Variants in RAB6A observed in about 807,000 individuals in gnomAD.
The protein encoded by RAB6A is RAB6A, member RAS oncogene family.
Under a neutral mutation model 32.3 loss-of-function variants are expected in RAB6A, and 8 were observed. The ratio of observed to expected loss-of-function variants is 0.25; its 90% CI spans 0.15 to 0.45. RAB6A has a LOEUF of 0.45. Among genes scored for constraint, RAB6A ranks in the 20% least tolerant of loss-of-function variants. RAB6A has a pLI of 1.00. For synonymous variants in RAB6A, 73 were observed against 82.1 expected, an observed-to-expected ratio of 0.89 and a Z score of 0.60; for missense variants, 104 against 249.4, an observed-to-expected ratio of 0.42 and a Z score of 3.93.
chr11:73,742,856 T>C (rs985381672), intron 1 of RAB6A, among the ~76,000 whole-genome samples: 1 of 151,606 alleles, frequency 6.6e-6, no homozygotes, highest in Non-Finnish European at 1.5e-5. Flanking sequence ...TGGCTATTTC[T>C]CACTTCATTC....
intron 1 of RAB6A, among the ~76,000 whole-genome samples, chr11:73,747,252 C>A (rs1049750544): frequency 6.6e-6 from 1 of 151,308 alleles, no homozygotes; most frequent in African/African-American, 2.4e-5. Context: ...GTCGCCCAGG[C>A]TGGAGTGCAG....
At chr11:73,753,387 G>A (rs1946696960) in intron 1 of RAB6A, among the ~76,000 whole-genome samples, 1 of 151,962 alleles carries the variant, frequency 6.6e-6, no homozygotes, top group Non-Finnish European at 1.5e-5. Context: ...AGTAGAGACA[G>A]GGTTTCACCA....
At chr11:73,707,333 G>T in intron 6 of RAB6A, 87 bp downstream of exon 6, 1 of 908,738 alleles carries the variant, frequency 1.1e-6, no homozygotes, top group Non-Finnish European at 1.7e-6. Context: ...GCTCTTGCCA[G>T]GTGGAAGGAA....
chr11:73,709,822 C>CATAT (rs71065026), intron 5 of RAB6A, among the ~76,000 whole-genome samples: 47 of 144,734 alleles, frequency 3.2e-4, no homozygotes, highest in Middle Eastern at 3.6e-3. Flanking sequence ...TGAATTCATG[C>CATAT]ATATATATAC....
Position 73,676,428 on chromosome 11 carries a change from G to C in RAB6A, c.*1470C>G, listed in dbSNP as rs1298592517. 1 of 166,490 alleles carries C rather than the reference G, an allele frequency of 6.0e-6. No homozygotes were observed. Among genetic ancestry groups the C allele is most frequent in the African/African-American group, 2.4e-5 (1 of 41,240 alleles). The allele number at this position is 166,490 out of a possible 1,614,324, so 10.3% of individuals were successfully genotyped here. ...CAGTGTTTTAAGGGAAATACATATT[G>C]CCATGGTGAAGCTCTAAATAGATTC... is the stretch of plus-strand genomic sequence containing the variant. On this transcript the variant is annotated 3_prime_UTR_variant, in exon 8 of 8. Coordinates refer to ENST00000336083, the MANE Select transcript of RAB6A (RefSeq NM_198896.2).
intron 6 of RAB6A, among the ~76,000 whole-genome samples, chr11:73,698,616 T>C (rs887609912): frequency 1.3e-5 from 2 of 152,160 alleles, no homozygotes; most frequent in African/African-American, 2.4e-5. Context: ...GATTGTTACA[T>C]AGATTCCTTC....
At chr11:73,721,833 A>C (rs988528669) in intron 2 of RAB6A, among the ~76,000 whole-genome samples, 5 of 152,218 alleles carry the variant, frequency 3.3e-5, no homozygotes, top group African/African-American at 1.2e-4. Context: ...TGAGTCACTA[A>C]GAATTTTAAG....
chr11:73,741,589 A>C lies in RAB6A; in HGVS notation c.71-10766T>G, dbSNP rs112544758. Among the ~76,000 whole-genome samples the C allele has an allele frequency of 3.8e-3, 573 of 152,316 alleles. 4 individuals carry two copies. The highest frequency in any genetic ancestry group is 0.013 in the African/African-American group (545 of 41,564). ...CTGCTTTTTATTAGTAACTGGCAAAACTTGAAAGCAACCAAAATGTCCTTC... is the reference window on the plus strand; with the variant it reads ...CTGCTTTTTATTAGTAACTGGCAAACCTTGAAAGCAACCAAAATGTCCTTC... On this transcript the variant is annotated intron_variant, in intron 1 of 7. Coordinates refer to ENST00000336083, the MANE Select transcript of RAB6A (RefSeq NM_198896.2).
At chr11:73,719,462 G>A (rs931571106) in intron 3 of RAB6A, among the ~76,000 whole-genome samples, 5 of 151,440 alleles carry the variant, frequency 3.3e-5, no homozygotes, top group African/African-American at 1.2e-4. Context: ...ATGCACGCGT[G>A]TGTGTGTATA....
intron 1 of RAB6A, among the ~76,000 whole-genome samples, chr11:73,744,939 C>T (rs1392252143): frequency 6.6e-6 from 1 of 150,498 alleles, no homozygotes; most frequent in Admixed American, 6.6e-5. Context: ...CGCGCCACTG[C>T]ACTCCAGCCT....
intron 5 of RAB6A, among the ~76,000 whole-genome samples, chr11:73,708,721 T>C (rs1476181367): frequency 1.3e-5 from 2 of 152,202 alleles, no homozygotes; most frequent in Admixed American, 1.3e-4. Context: ...ATTTAAACTA[T>C]CAGCTGACAA....
intron 6 of RAB6A, among the ~76,000 whole-genome samples, chr11:73,706,226 T>C (rs1440166175): frequency 6.6e-6 from 1 of 152,062 alleles, no homozygotes; most frequent in Non-Finnish European, 1.5e-5. Flanking sequence ...AAGAAAATTA[T>C]TGGTCTAGGC....
intron 6 of RAB6A, among the ~76,000 whole-genome samples, chr11:73,690,736 C>T (rs1029562057): frequency 3.4e-5 from 5 of 145,678 alleles, no homozygotes; most frequent in South Asian, 2.2e-4. Flanking sequence ...AATCAGCAAA[C>T]GGAATTCCAG....
chr11:73,687,154 T>A (rs1945471527), intron 6 of RAB6A, among the ~76,000 whole-genome samples: 1 of 152,110 alleles, frequency 6.6e-6, no homozygotes, highest in Non-Finnish European at 1.5e-5. Flanking sequence ...TGAGTTCACT[T>A]ATATGAGATA....
intron 1 of RAB6A, among the ~76,000 whole-genome samples, chr11:73,739,371 T>C (rs1946459691): frequency 7.1e-6 from 1 of 141,530 alleles, no homozygotes; most frequent in South Asian, 2.3e-4. Flanking sequence ...GGGGTGTCAC[T>C]ATATTGCCCA....
In RAB6A at chr11:73,716,379, G is replaced by A. The variant is rs756748912; in HGVS notation, c.290-17C>T. 1.3e-6 allele frequency: 2 copies of A among 1,580,994 alleles called. No homozygotes were observed. On this transcript the variant is annotated splice_polypyrimidine_tract_variant and intron_variant, in intron 4 of 7. Transcript: ENST00000336083. ...AGTTAACATCTAGTATAGGAGGGTA[G>A]ACAGAGAGATTAGTGTTGCTGAAAA... is the stretch of plus-strand genomic sequence containing the variant.
intron 2 of RAB6A, among the ~76,000 whole-genome samples, chr11:73,728,157 T>G (rs1946249987): frequency 6.6e-6 from 1 of 152,180 alleles, no homozygotes; most frequent in Non-Finnish European, 1.5e-5. Flanking sequence ...AGATTACTAA[T>G]TTATTCCTTT....
chr11:73,679,260 T>A lies in RAB6A; in HGVS notation c.562+394A>T, dbSNP rs557654262. On this transcript the variant is annotated intron_variant, in intron 7 of 7. Coordinates refer to ENST00000336083, the MANE Select transcript of RAB6A (RefSeq NM_198896.2). The stretch of plus-strand genomic sequence containing the variant: ...CTGTTTCTGAAAGCAGAGGCTACAA[T>A]AAAGCTCCACTCTATTTCTTGCCTG... 9.2e-5 allele frequency among the ~76,000 whole-genome samples: 14 copies of A among 152,310 alleles called. No individual in the cohort carries two copies. The South Asian group carries it at 2.9e-3, about 32-fold the overall frequency.
intron 6 of RAB6A, chr11:73,704,320 C>A: frequency 7.8e-6 from 2 of 257,512 alleles, no homozygotes; most frequent in South Asian, 7.0e-5. Context: ...GAGGTCAAGG[C>A]TGCAATGAGC....
Sources: gnomAD v4.1 joint callset for allele counts (sites outside exome capture counted in the v4.1 genomes callset) on GRCh38, gnomAD v4.1.1 for gene constraint, MANE v1.5 for transcripts, NCBI Gene and HGNC (gene_info 2026-07-23, HGNC 2026-07-21) for gene names.